PRKAG1: variants seen among roughly 807,000 people sequenced by gnomAD.
The protein encoded by PRKAG1 is protein kinase AMP-activated non-catalytic subunit gamma 1.
In PRKAG1, 27 loss-of-function variants were observed where a neutral mutation model predicts 48.2. The observed-to-expected ratio is 0.56, with a 90% CI of 0.41 to 0.77. The LOEUF is 0.77. Ranked by LOEUF, PRKAG1 falls within the 30% of genes least tolerant of loss-of-function variation. The pLI is 0.00. For missense variants in PRKAG1, 287 were observed against 398.3 expected (o/e 0.72, Z 2.38); for synonymous variants, 130 against 147.7 (o/e 0.88, Z 0.87).
chr12:49,014,043 C>T (rs1941869734), intron 1 of PRKAG1, among the ~76,000 whole-genome samples: 1 of 152,046 alleles, frequency 6.6e-6, no homozygotes. Flanking sequence ...ACCACCACAC[C>T]CACCTAATTT....
At chr12:49,008,975 A>G (rs1016588319) in intron 2 of PRKAG1, among the ~76,000 whole-genome samples, 2 of 151,970 alleles carry the variant, frequency 1.3e-5, no homozygotes, top group African/African-American at 4.8e-5. Context: ...GTTCCAATAA[A>G]TGTTCTTGAA....
intron 1 of PRKAG1, 169 bp downstream of exon 1, chr12:49,018,563 G>A: frequency 6.8e-7 from 1 of 1,475,918 alleles, no homozygotes; most frequent in Admixed American, 2.4e-5. Flanking sequence ...CAGGAGATGC[G>A]CCCAACGAAG....
At chr12:49,008,914 T>C (rs886845106) in intron 2 of PRKAG1, among the ~76,000 whole-genome samples, 2 of 152,216 alleles carry the variant, frequency 1.3e-5, no homozygotes, top group African/African-American at 2.4e-5. Context: ...CTTTCATCCA[T>C]TGTGCTGAAT....
chr12:49,003,515 C>A (rs200023236), intron 10 of PRKAG1, 43 bp downstream of exon 10: 25 of 1,599,454 alleles, frequency 1.6e-5, no homozygotes, highest in East Asian at 6.7e-5. Context: ...AGTGCCCCCC[C>A]CCCACCACTT....
chr12:49,009,119 CCTT>C (rs1395136512), intron 2 of PRKAG1, among the ~76,000 whole-genome samples: 62 of 146,590 alleles, frequency 4.2e-4, no homozygotes, highest in African/African-American at 1.4e-3. Flanking sequence ...TCTTTCCTCT[CCTT>C]TTTTTTTTTT....
intron 2 of PRKAG1, among the ~76,000 whole-genome samples, chr12:49,011,323 T>G (rs370738926): frequency 2.0e-5 from 3 of 152,220 alleles, no homozygotes; most frequent in South Asian, 4.1e-4. Context: ...TTCTCAGTGT[T>G]TGTTTGTTTA....
Position 49,005,521 on chromosome 12 carries a change from A to C in PRKAG1, c.191T>G (p.Leu64Trp). The C allele has an allele frequency of 1.2e-6, 2 of 1,614,224 alleles. No individual in the cohort carries two copies. Among genetic ancestry groups the C allele is most frequent in the Middle Eastern group, 3.3e-4 (2 of 6,062 alleles). Reference sequence around the variant, plus strand: ...GGCAGCTCGTACACCGTTAGTCACCAAAGCAAAAAAAGCTTTCTTCACCTG... The same window carrying C: ...GGCAGCTCGTACACCGTTAGTCACCCAAGCAAAAAAAGCTTTCTTCACCTG... ...SLQVKKAFFALVTNGVRAAPL... is the reference protein window; with the variant it reads ...SLQVKKAFFAWVTNGVRAAPL... The change falls in exon 4 of 12, where the codon TTG (leucine) becomes TGG (tryptophan). Residue 64 changes from leucine to tryptophan, a missense_variant. By Grantham distance (61) the Leu-to-Trp change is moderately conservative. Around this residue, in one of 2 missense-constraint regions of PRKAG1, gnomAD observed 224 missense variants for 344.3 expected, o/e 0.65. Coordinates refer to ENST00000548065, the MANE Select transcript of PRKAG1 (RefSeq NM_002733.5). The surrounding 1 kb of genome is among the most constrained non-coding windows in gnomAD (Gnocchi z 4.1).
chr12:49,013,072 C>T lies in PRKAG1; in HGVS notation c.48G>A (p.Glu16=), dbSNP rs769569194. ...SSDSSPAVEN[E]HPQETPESNN... Reference sequence around the variant, plus strand: ...CTTCAGTAAACTTACCTTGAGGATGCTCATTTTCCACAGCTGGGGAGCTAT... The same window carrying T: ...CTTCAGTAAACTTACCTTGAGGATGTTCATTTTCCACAGCTGGGGAGCTAT... The change falls in exon 2 of 12, where the codon GAG becomes GAA. Residue 16 remains glutamate, a synonymous_variant. Transcript: ENST00000548065. 4 of 1,613,376 alleles carry T rather than the reference C, an allele frequency of 2.5e-6. No individual in the cohort carries two copies. Among genetic ancestry groups the T allele is most frequent in the African/African-American group, 1.3e-5 (1 of 75,016 alleles).
At chr12:49,009,119 CCTTT>C (rs1233277035) in intron 2 of PRKAG1, among the ~76,000 whole-genome samples, 2 of 146,532 alleles carry the variant, frequency 1.4e-5, no homozygotes, top group Non-Finnish European at 3.0e-5. Flanking sequence ...TCTTTCCTCT[CCTTT>C]TTTTTTTTTT....
intron 8 of PRKAG1, 29 bp from the exon 9 acceptor site, chr12:49,003,951 C>A (rs1452397584): frequency 6.4e-7 from 1 of 1,561,910 alleles, no homozygotes; most frequent in Non-Finnish European, 8.7e-7. Context: ...GCTTAACTTT[C>A]AAGGCACCCA....
intron 7 of PRKAG1, 153 bp downstream of exon 7, chr12:49,004,810 AG>A: frequency 3.5e-6 from 4 of 1,127,478 alleles, no homozygotes; most frequent in Non-Finnish European, 5.0e-6. Context: ...AGAGAGAGAG[AG>A]ACTGTGTGTG....
Position 49,005,823 on chromosome 12 carries a change from T to C in PRKAG1, c.88A>G (p.Thr30Ala), listed in dbSNP as rs200836335. Residue 30 changes from threonine (T) to alanine (A), a missense_variant, in exon 3 of 12, where the codon ACT (threonine) becomes GCT (alanine). Transcript: ENST00000548065. This position sits in a 1 kb window ranked among gnomAD's most constrained non-coding sequence, Gnocchi z 4.1. ...CAGCGATGAGACTTCATGAAGGAAG[T>C]ATACACGCTATTGTTGGATTCTGGG... Reference protein sequence around the residue: ...ETPESNNSVYTSFMKSHRCYD... With the variant: ...ETPESNNSVYASFMKSHRCYD... 8.1e-6 allele frequency: 13 copies of C among 1,612,140 alleles called. No homozygotes were observed. The highest frequency in any genetic ancestry group is 1.1e-5 in the Non-Finnish European group (13 of 1,178,970).
chr12:49,009,481 C>T (rs1941674717), intron 2 of PRKAG1: 1 of 151,998 alleles, frequency 6.6e-6, no homozygotes, highest in African/African-American at 2.4e-5. Flanking sequence ...TTTTTGAAAC[C>T]TCCAGCTGGG....
chr12:49,005,406 T>C lies in PRKAG1; in HGVS notation c.251-42A>G, dbSNP rs1285459637. 1 of 1,614,002 alleles carries C rather than the reference T, an allele frequency of 6.2e-7. No homozygotes were observed. The highest frequency in any genetic ancestry group is 2.2e-5 in the East Asian group (1 of 44,880). Reference sequence around the variant, plus strand: ...AGCCCTCAGCACTGCCTGAAGCTTGTCTCCCTGCCCAGCACAAGATGCCAA... The same window carrying C: ...AGCCCTCAGCACTGCCTGAAGCTTGCCTCCCTGCCCAGCACAAGATGCCAA... On this transcript the variant is annotated intron_variant, in intron 4 of 11. Transcript: ENST00000548065. This position sits in a 1 kb window ranked among gnomAD's most constrained non-coding sequence, Gnocchi z 4.1.
chr12:49,013,176 G>A, intron 1 of PRKAG1, 66 bp from the exon 2 acceptor site: 4 of 1,367,464 alleles, frequency 2.9e-6, no homozygotes, highest in East Asian at 2.3e-5. Context: ...GCAACATTAG[G>A]GGAAGGGCTG....
chr12:49,005,225 G>A lies in PRKAG1; in HGVS notation c.310-60C>T. On this transcript the variant is annotated intron_variant, in intron 5 of 11. Coordinates refer to ENST00000548065, the MANE Select transcript of PRKAG1 (RefSeq NM_002733.5). This position sits in a 1 kb window ranked among gnomAD's most constrained non-coding sequence, Gnocchi z 4.1. The stretch of plus-strand genomic sequence containing the variant: ...CTCTCTGCTTCCTTAAGCCCTCGTG[G>A]CTTGCTTGGAGAAAAAGAAATGAGA... 1.2e-6 allele frequency: 2 copies of A among 1,613,042 alleles called. No individual in the cohort carries two copies. Among genetic ancestry groups the A allele is most frequent in the Non-Finnish European group, 1.7e-6 (2 of 1,179,044 alleles).
In PRKAG1 at chr12:49,005,667, C is replaced by T; in HGVS notation, c.168+76G>A. 6.2e-7 allele frequency: 1 copy of T among 1,605,068 alleles called. No homozygotes were observed. The highest frequency in any genetic ancestry group is 1.1e-5 in the South Asian group (1 of 90,672). Reference sequence around the variant, plus strand: ...ACTTCACAGAAGGATAAGGATATTACCCTTAGGATGAGATAGGATGAGAGG... The same window carrying T: ...ACTTCACAGAAGGATAAGGATATTATCCTTAGGATGAGATAGGATGAGAGG... On this transcript the variant is annotated intron_variant, in intron 3 of 11. Coordinates refer to ENST00000548065, the MANE Select transcript of PRKAG1 (RefSeq NM_002733.5). This position sits in a 1 kb window ranked among gnomAD's most constrained non-coding sequence, Gnocchi z 4.1.
At chr12:49,015,273 A>C (rs1350732293) in intron 1 of PRKAG1, among the ~76,000 whole-genome samples, 3 of 152,242 alleles carry the variant, frequency 2.0e-5, no homozygotes, top group African/African-American at 7.2e-5. Flanking sequence ...ACTTCTGTAG[A>C]ATTTACCCAT....
At chr12:49,006,825 C>T (rs927353328) in intron 2 of PRKAG1, among the ~76,000 whole-genome samples, 2 of 150,856 alleles carry the variant, frequency 1.3e-5, no homozygotes, top group South Asian at 2.1e-4. Flanking sequence ...CAAAATTAGC[C>T]GGGCATGGTG....
Sources: gnomAD v4.1 joint callset for allele counts (sites outside exome capture counted in the v4.1 genomes callset) on GRCh38, gnomAD v4.1.1 for gene constraint, gnomAD v4.1.1 regional missense constraint, Gnocchi (gnomAD v3.1) non-coding constraint, MANE v1.5 for transcripts, NCBI Gene and HGNC (gene_info 2026-07-23, HGNC 2026-07-21) for gene names.